XIRP2: variants seen among roughly 807,000 people sequenced by gnomAD.
XIRP2 encodes the protein xin actin binding repeat containing 2.
XIRP2 carries 236 observed loss-of-function variants against 277.0 expected under a neutral mutation model. The ratio of observed to expected loss-of-function variants is 0.85; its 90% confidence interval spans 0.77 to 0.95. XIRP2 has a LOEUF of 0.95. Among genes scored for constraint, XIRP2 ranks in the 40% least tolerant of loss-of-function variants. The pLI is 0.00. For missense variants in XIRP2, 4,640 were observed against 4,157.5 expected, an observed-to-expected ratio of 1.12 and a Z score of -3.19; for synonymous variants, 1,490 against 1,416.5, an observed-to-expected ratio of 1.05 and a Z score of -1.17.
chr2:167,248,023 C>A lies in XIRP2; in HGVS notation c.6631C>A (p.Gln2211Lys), dbSNP rs759008524. 19 of 1,613,266 alleles carry A rather than the reference C, an allele frequency of 1.2e-5. No homozygotes were observed. The highest frequency in any genetic ancestry group is 1.6e-5 in the Non-Finnish European group (19 of 1,179,662). The change falls in exon 9 of 11, where the codon CAG (glutamine) becomes AAG (lysine). Residue 2211 changes from glutamine to lysine, a missense_variant. Gln to Lys is a moderately conservative substitution (Grantham distance 53). Coordinates refer to ENST00000409195, the MANE Select transcript of XIRP2 (RefSeq NM_152381.6). ...GAATATAAACCTTCAACCAATGTGGCAGCTTTTGCCTGTAGAGCAAGACAC... is the reference window on the plus strand; with the variant it reads ...GAATATAAACCTTCAACCAATGTGGAAGCTTTTGCCTGTAGAGCAAGACAC... ...KKNINLQPMW[Q>K]LLPVEQDTSN...
At chr2:166,939,699 C>CAAAAA (rs796839379) in intron 2 of XIRP2, among the ~76,000 whole-genome samples, 1 of 120,432 alleles carries the variant, frequency 8.3e-6, no homozygotes, top group African/African-American at 3.3e-5. Context: ...AAAAAAAAAA[C>CAAAAA]AAAAAACAAA....
intron 3 of XIRP2, among the ~76,000 whole-genome samples, chr2:167,182,036 G>A (rs993713971): frequency 6.6e-6 from 1 of 152,072 alleles, no homozygotes; most frequent in Non-Finnish European, 1.5e-5. Flanking sequence ...ATTTAAATAT[G>A]AGTCATATGC....
At chr2:166,947,717 C>T (rs1443709919) in intron 2 of XIRP2, among the ~76,000 whole-genome samples, 1 of 152,090 alleles carries the variant, frequency 6.6e-6, no homozygotes, top group Non-Finnish European at 1.5e-5. Context: ...CAAAACTAAA[C>T]ATAATCTTAG....
chr2:167,225,197 T>C (rs1212495387), intron 5 of XIRP2, among the ~76,000 whole-genome samples: 3 of 152,194 alleles, frequency 2.0e-5, no homozygotes, highest in Admixed American at 1.3e-4. Context: ...TTATTTATAG[T>C]ATAGTGGCAA....
Position 166,900,961 on chromosome 2 carries a change from TTGGTC to T in XIRP2, c.-18-2502_-18-2498del, listed in dbSNP as rs1214367913. 5.9e-5 allele frequency among the ~76,000 whole-genome samples: 9 copies of T among 152,230 alleles called. 1 individual carries two copies. The highest frequency in any genetic ancestry group is 1.7e-4 in the African/African-American group (7 of 41,556). Reference sequence around the variant, plus strand: ...GGGAACAAAAATCCTGGCCCCACACTTGGTCTTCTCTAATATGAAAGTAGTTGGAG... The same window carrying T: ...GGGAACAAAAATCCTGGCCCCACACTTTCTCTAATATGAAAGTAGTTGGAG... On this transcript the variant is annotated intron_variant, in intron 1 of 10. Transcript: ENST00000409195.
chr2:167,084,289 G>A lies in XIRP2; in HGVS notation c.409-51620G>A, dbSNP rs1342859120. ...ACCAGCCTTGCATCCTAGGGATGAA[G>A]CCCACTTGATCATGGTGGATAAGTT... is the stretch of plus-strand genomic sequence containing the variant. On this transcript the variant is annotated intron_variant, in intron 2 of 10. Coordinates refer to ENST00000409195, the MANE Select transcript of XIRP2 (RefSeq NM_152381.6). Among the ~76,000 whole-genome samples, 5 of 152,164 alleles carry A rather than the reference G, an allele frequency of 3.3e-5. No individual in the cohort carries two copies. The East Asian group carries it at 7.7e-4, about 23-fold the overall frequency.
chr2:167,038,326 A>G (rs1353669549), intron 2 of XIRP2, among the ~76,000 whole-genome samples: 5 of 152,020 alleles, frequency 3.3e-5, no homozygotes, highest in Non-Finnish European at 5.9e-5. Flanking sequence ...TGAAGCTAAA[A>G]GAGGCCATGA....
rs78621792 is a variant in XIRP2, at chr2:167,196,706, C to T, written c.563-14029C>T. Among the ~76,000 whole-genome samples, 4 of 152,156 alleles carry T rather than the reference C, an allele frequency of 2.6e-5. No individual in the cohort carries two copies. The East Asian group carries it at 7.7e-4, about 29-fold the overall frequency. On this transcript the variant is annotated intron_variant, in intron 3 of 10. Transcript: ENST00000409195. Reference sequence around the variant, plus strand: ...CACATCTGCTTTCCTTGGCAGGCTTCCAACTCAAGAGTACACTGGGACATC... The same window carrying T: ...CACATCTGCTTTCCTTGGCAGGCTTTCAACTCAAGAGTACACTGGGACATC...
chr2:167,180,518 C>T (rs1692982194), intron 3 of XIRP2, among the ~76,000 whole-genome samples: 2 of 152,050 alleles, frequency 1.3e-5, no homozygotes, highest in South Asian at 4.1e-4. Context: ...GCATTTTTTG[C>T]AGTCTATTTT....
At chr2:166,995,080 C>T (rs1006238368) in intron 2 of XIRP2, among the ~76,000 whole-genome samples, 12 of 152,066 alleles carry the variant, frequency 7.9e-5, no homozygotes, top group Admixed American at 4.6e-4. Context: ...TCAGGTTTCA[C>T]CATGTTGGCC....
chr2:166,996,375 A>T (rs1558941052), intron 2 of XIRP2, among the ~76,000 whole-genome samples: 2 of 152,348 alleles, frequency 1.3e-5, no homozygotes, highest in South Asian at 2.1e-4. Flanking sequence ...TTATGCCTGT[A>T]ATCTCAGCAC....
chr2:167,242,646 C>T lies in XIRP2; in HGVS notation c.1254C>T (p.Ser418=), dbSNP rs758486852. ...CTTCCACTTCTTGCGTTTCAACCAG[C>T]CAGAGGAAGGAAACATCAACTACAA... ...STSSTSCVST[S]QRKETSTTRY... Residue 418 remains serine (S), a synonymous_variant, in exon 9 of 11, where the codon AGC becomes AGT. Coordinates refer to ENST00000409195, the MANE Select transcript of XIRP2 (RefSeq NM_152381.6). 2 of 1,614,060 alleles carry T rather than the reference C, an allele frequency of 1.2e-6. No homozygotes were observed. The highest frequency in any genetic ancestry group is 1.7e-5 in the Admixed American group (1 of 60,024).
intron 2 of XIRP2, among the ~76,000 whole-genome samples, chr2:167,005,123 G>A (rs1419719199): frequency 6.6e-6 from 1 of 151,854 alleles, no homozygotes; most frequent in Non-Finnish European, 1.5e-5. Flanking sequence ...CTGGCATGAT[G>A]CATTTGCAAA....
chr2:167,095,095 A>G lies in XIRP2; in HGVS notation c.409-40814A>G, dbSNP rs184524749. On this transcript the variant is annotated intron_variant, in intron 2 of 10. Coordinates refer to ENST00000409195, the MANE Select transcript of XIRP2 (RefSeq NM_152381.6). Reference sequence around the variant, plus strand: ...TTGTAGCAATTGTGAATGGTAATTTACTCATGATTTGGCTTTGTTTGTCTA... The same window carrying G: ...TTGTAGCAATTGTGAATGGTAATTTGCTCATGATTTGGCTTTGTTTGTCTA... 6.1e-4 allele frequency among the ~76,000 whole-genome samples: 93 copies of G among 152,220 alleles called. 1 individual carries two copies. In the East Asian group the frequency reaches 0.015, roughly 25 times the overall value.
At chr2:166,965,811 G>A (rs993548959) in intron 2 of XIRP2, among the ~76,000 whole-genome samples, 27 of 151,658 alleles carry the variant, frequency 1.8e-4, no homozygotes, top group Admixed American at 1.3e-3. Flanking sequence ...TGAAACTCCT[G>A]GGCTCAAGCC....
In XIRP2 at chr2:167,247,142, T is replaced by A. The variant is rs1695297402; in HGVS notation, c.5750T>A (p.Leu1917His). 1 of 1,613,434 alleles carries A rather than the reference T, an allele frequency of 6.2e-7. No homozygotes were observed. The highest frequency in any genetic ancestry group is 1.7e-5 in the Admixed American group (1 of 59,904). ...NTKTEILKKELLKDDLETSLR... is the reference protein window; with the variant it reads ...NTKTEILKKEHLKDDLETSLR... ...AAGACAGAAATTCTGAAAAAGGAGCTTCTCAAAGATGACCTGGAAACATCA... is the reference window on the plus strand; with the variant it reads ...AAGACAGAAATTCTGAAAAAGGAGCATCTCAAAGATGACCTGGAAACATCA... The change falls in exon 9 of 11, where the codon CTT becomes CAT. Residue 1917 changes from leucine (L) to histidine (H), a missense_variant. Leu to His is a moderately conservative substitution (Grantham distance 99). Coordinates refer to ENST00000409195, the MANE Select transcript of XIRP2 (RefSeq NM_152381.6).
chr2:166,957,236 C>T (rs952243331), intron 2 of XIRP2, among the ~76,000 whole-genome samples: 1 of 151,566 alleles, frequency 6.6e-6, no homozygotes, highest in Non-Finnish European at 1.5e-5. Context: ...AAGAATCATT[C>T]CTTATTAAAA....
intron 3 of XIRP2, among the ~76,000 whole-genome samples, chr2:167,191,227 A>G (rs960881142): frequency 6.7e-6 from 1 of 150,322 alleles, no homozygotes; most frequent in African/African-American, 2.4e-5. Flanking sequence ...GAAAGAAAAG[A>G]AAAGAAAAGA....
At chr2:167,118,519 T>TAAAATAAAAA (rs1690961353) in intron 2 of XIRP2, among the ~76,000 whole-genome samples, 1 of 151,280 alleles carries the variant, frequency 6.6e-6, no homozygotes, top group African/African-American at 2.4e-5. Context: ...TAAAATAAAA[T>TAAAATAAAAA]AAAATAAAAT....
Sources: allele counts gnomAD v4.1 joint callset (sites outside exome capture counted in the v4.1 genomes callset), GRCh38; gene constraint gnomAD v4.1.1; transcripts MANE v1.5; gene names NCBI Gene and HGNC (gene_info 2026-07-23, HGNC 2026-07-21).